The following SETBP1 variants were observed in gnomAD, a reference collection of about 807,000 sequenced individuals.
The protein encoded by SETBP1 is SET binding protein 1.
Under a neutral mutation model 101.0 loss-of-function variants are expected in SETBP1, and 9 were observed. The ratio of observed to expected loss-of-function variants is 0.09; its 90% CI spans 0.05 to 0.16. The LOEUF (loss-of-function observed/expected upper bound fraction) is 0.16. Among genes scored for constraint, SETBP1 ranks in the 10% least tolerant of loss-of-function variants. SETBP1 has a pLI of 1.00. For missense variants in SETBP1, 1,858 were observed against 2,033.8 expected (o/e 0.91, Z 1.66); for synonymous variants, 818 against 788.5 (o/e 1.04, Z -0.63).
intron 2 of SETBP1, among the ~76,000 whole-genome samples, chr18:44,782,553 A>G (rs773623919): frequency 3.9e-5 from 6 of 152,188 alleles, no homozygotes; most frequent in Non-Finnish European, 5.9e-5. Flanking sequence ...TATGGAAATC[A>G]TCTAGGTGGG....
Position 45,016,731 on chromosome 18 carries a change from GCACACA to G in SETBP1, c.4001-21723_4001-21718del, listed in dbSNP as rs60965207. ...TGTGAGATTATACACATTGGTGCGCGCACACACACACACACACACACACACACACAC... is the reference window on the plus strand; with the variant it reads ...TGTGAGATTATACACATTGGTGCGCGCACACACACACACACACACACACAC... On this transcript the variant is annotated intron_variant, in intron 4 of 5. Transcript: ENST00000649279. Among the ~76,000 whole-genome samples the G allele has an allele frequency of 8.2e-3, 1,012 of 122,780 alleles. 15 individuals are homozygous for G. Among genetic ancestry groups the G allele is most frequent in the African/African-American group, 0.021 (683 of 31,894 alleles). 80.5% of individuals were successfully genotyped at this position (122,780 alleles called of 152,430 possible). A position where few individuals can be genotyped will look rare whatever the true frequency, so the allele number is the denominator to read the frequency against.
intron 2 of SETBP1, among the ~76,000 whole-genome samples, chr18:44,744,973 G>A (rs2070202702): frequency 6.6e-6 from 1 of 152,046 alleles, no homozygotes; most frequent in South Asian, 2.1e-4. Context: ...GCTGTTATGC[G>A]CGTCTGGGGC....
intron 4 of SETBP1, among the ~76,000 whole-genome samples, chr18:45,036,505 A>C (rs2073402245): frequency 6.6e-6 from 1 of 152,188 alleles, no homozygotes; most frequent in Admixed American, 6.5e-5. Flanking sequence ...CACACCTGCA[A>C]ATTTTACAAA....
At position 44,819,810 on chromosome 18, in the gene SETBP1, A is replaced by G. The variant is rs116770595; in HGVS notation, c.487-49420A>G. Among the ~76,000 whole-genome samples, 706 of 152,344 alleles carry G rather than the reference A, an allele frequency of 4.6e-3. 5 individuals are homozygous for G. The highest frequency in any genetic ancestry group is 0.012 in the African/African-American group (508 of 41,582). Reference sequence around the variant, plus strand: ...TTGGACCCTAACAATTTCCATTGAGAATGATTGTTTCAATATGAACTGGGA... The same window carrying G: ...TTGGACCCTAACAATTTCCATTGAGGATGATTGTTTCAATATGAACTGGGA... On this transcript the variant is annotated intron_variant, in intron 2 of 5. Transcript: ENST00000649279.
intron 4 of SETBP1, among the ~76,000 whole-genome samples, chr18:44,976,897 G>T (rs1276761900): frequency 1.3e-5 from 2 of 152,142 alleles, no homozygotes; most frequent in African/African-American, 4.8e-5. Flanking sequence ...ATTATTGTTG[G>T]TAAGTCATAG....
chr18:44,947,759 G>A (rs569148952), intron 3 of SETBP1, among the ~76,000 whole-genome samples: 95 of 152,230 alleles, frequency 6.2e-4, no homozygotes, highest in African/African-American at 2.2e-3. Context: ...GCCCGCCTCG[G>A]CCTCCCAAGT....
chr18:44,738,657 C>T (rs2070029436), intron 2 of SETBP1, among the ~76,000 whole-genome samples: 1 of 151,840 alleles, frequency 6.6e-6, no homozygotes, highest in African/African-American at 2.4e-5. Context: ...GCCTGGAATG[C>T]CAGCTCCTCA....
At chr18:44,858,653 GATA>G (rs1265371957) in intron 2 of SETBP1, among the ~76,000 whole-genome samples, 71 of 152,286 alleles carry the variant, frequency 4.7e-4, no homozygotes, top group African/African-American at 1.6e-3. Flanking sequence ...CTTTGGTGAA[GATA>G]GTTGTCTTCC....
At chr18:44,845,247 G>A (rs2072701361) in intron 2 of SETBP1, among the ~76,000 whole-genome samples, 1 of 152,120 alleles carries the variant, frequency 6.6e-6, no homozygotes, top group Non-Finnish European at 1.5e-5. Flanking sequence ...TCAGTTAAAT[G>A]ACGTTCCTGT....
chr18:44,790,288 G>C (rs777984819), intron 2 of SETBP1, among the ~76,000 whole-genome samples: 75 of 152,016 alleles, frequency 4.9e-4, no homozygotes, highest in Non-Finnish European at 9.9e-4. Context: ...GTACTATTCA[G>C]TTTTTTTTCT....
At position 44,876,944 on chromosome 18, in the gene SETBP1, C is replaced by T. The variant is rs1599263059; in HGVS notation, c.540+7661C>T. On this transcript the variant is annotated intron_variant, in intron 3 of 5. Coordinates refer to ENST00000649279, the MANE Select transcript of SETBP1 (RefSeq NM_015559.3). ...AAAAGATCCAGCTTCACAATGCTGC[C>T]CTGAAGAGATAATGCATTAGGCGGC... 6 of 1,315,828 alleles carry T rather than the reference C, an allele frequency of 4.6e-6. No homozygotes were observed. The East Asian group carries it at 1.4e-4, about 31-fold the overall frequency. 81.5% of individuals were successfully genotyped at this position (1,315,828 alleles called of 1,614,324 possible). A position where few individuals can be genotyped will look rare whatever the true frequency, so the allele number is the denominator to read the frequency against.
intron 5 of SETBP1, among the ~76,000 whole-genome samples, chr18:45,061,238 C>G (rs1426346871): frequency 6.6e-6 from 1 of 152,146 alleles, no homozygotes; most frequent in Admixed American, 6.5e-5. Context: ...AACTAGAACT[C>G]TTCTAGGGAA....
At chr18:44,696,258 A>G in intron 1 of SETBP1, among the ~76,000 whole-genome samples, 1 of 152,200 alleles carries the variant, frequency 6.6e-6, no homozygotes, top group East Asian at 1.9e-4. Context: ...GTAAGGGAGA[A>G]ATACCCTCAT....
intron 3 of SETBP1, among the ~76,000 whole-genome samples, chr18:44,910,606 C>T (rs1327532697): frequency 6.6e-6 from 1 of 152,172 alleles, no homozygotes; most frequent in East Asian, 1.9e-4. Context: ...CCTGGGTCTC[C>T]ATTATTGGAA....
At chr18:44,693,008 C>T (rs937626254) in intron 1 of SETBP1, among the ~76,000 whole-genome samples, 1 of 152,144 alleles carries the variant, frequency 6.6e-6, no homozygotes, top group African/African-American at 2.4e-5. Flanking sequence ...GAGCTTTGTC[C>T]TTTGCTATAG....
chr18:44,809,795 G>A (rs1272422881), intron 2 of SETBP1, among the ~76,000 whole-genome samples: 3 of 152,122 alleles, frequency 2.0e-5, no homozygotes, highest in African/African-American at 4.8e-5. Context: ...TATATGAGAA[G>A]CTCTGAAGCC....
intron 4 of SETBP1, among the ~76,000 whole-genome samples, chr18:44,981,172 C>T (rs572921581): frequency 6.6e-6 from 1 of 152,346 alleles, no homozygotes; most frequent in African/African-American, 2.4e-5. Context: ...TCAAGGCCCT[C>T]AATTCCAGCC....
intron 3 of SETBP1, among the ~76,000 whole-genome samples, chr18:44,911,711 A>C (rs1439436434): frequency 6.6e-6 from 1 of 152,216 alleles, no homozygotes; most frequent in Admixed American, 6.5e-5. Context: ...TGAGCTCTCC[A>C]ATGAAATCGT....
chr18:44,721,215 T>C (rs2069587102), intron 2 of SETBP1, among the ~76,000 whole-genome samples: 1 of 152,312 alleles, frequency 6.6e-6, no homozygotes, highest in South Asian at 2.1e-4. Flanking sequence ...ATAAGCATCT[T>C]ACTGACACTT....
Sources: gnomAD v4.1 joint callset for allele counts (sites outside exome capture counted in the v4.1 genomes callset) on GRCh38, gnomAD v4.1.1 for gene constraint, MANE v1.5 for transcripts, NCBI Gene and HGNC (gene_info 2026-07-23, HGNC 2026-07-21) for gene names.